VPS13C: variants seen among roughly 807,000 people sequenced by gnomAD.
VPS13C encodes the protein vacuolar protein sorting 13 homolog C.
In VPS13C, 358 loss-of-function variants were observed where a neutral mutation model predicts 456.8. The observed-to-expected ratio is 0.78, with a 90% CI of 0.72 to 0.86. VPS13C has a LOEUF of 0.86. Among genes scored for constraint, VPS13C ranks in the 40% least tolerant of loss-of-function variants. VPS13C has a pLI of 0.00. For missense variants in VPS13C, 4,818 were observed against 4,385.4 expected (o/e 1.10, Z -2.79); for synonymous variants, 1,578 against 1,486.7 (o/e 1.06, Z -1.41).
chr15:61,985,821 C>A (rs1012073390), intron 18 of VPS13C, among the ~76,000 whole-genome samples: 2 of 151,902 alleles, frequency 1.3e-5, no homozygotes, highest in African/African-American at 4.8e-5. Context: ...AATTTGGGGA[C>A]CTGTTTCTCC....
rs1018204665 is a variant in VPS13C, at chr15:61,982,288, C to G, written c.2029+171G>C. Among the ~76,000 whole-genome samples, 7 of 152,284 alleles carry G rather than the reference C, an allele frequency of 4.6e-5. No homozygotes were observed. In the East Asian group the frequency reaches 1.3e-3, roughly 29 times the overall value. ...CATATTATGCTCTTTCTCACCCAGT[C>G]TATCAGGTATATTTGATTTTGAGAA... On this transcript the variant is annotated intron_variant, in intron 21 of 84. Coordinates refer to ENST00000644861, the MANE Select transcript of VPS13C (RefSeq NM_020821.3).
At chr15:61,982,648 C>G (rs2045923070) in intron 20 of VPS13C, 75 bp from the exon 21 acceptor site, 1 of 948,618 alleles carries the variant, frequency 1.1e-6, no homozygotes, top group African/African-American at 1.6e-5. Context: ...AGTTTCACCT[C>G]AATTCTAAAC....
At chr15:61,943,914 T>TTA (rs781630186) in intron 45 of VPS13C, among the ~76,000 whole-genome samples, 2 of 144,340 alleles carry the variant, frequency 1.4e-5, no homozygotes, top group South Asian at 2.1e-4. Flanking sequence ...CCAGAATCTA[T>TTA]AAAAAAAAAA....
intron 16 of VPS13C, among the ~76,000 whole-genome samples, chr15:61,997,690 T>A (rs1487441890): frequency 6.6e-6 from 1 of 152,142 alleles, no homozygotes; most frequent in African/African-American, 2.4e-5. Context: ...TCACATCTAG[T>A]CAGTCAGGAA....
intron 15 of VPS13C, among the ~76,000 whole-genome samples, chr15:62,002,701 G>GCA (rs925262449): frequency 8.4e-5 from 8 of 94,816 alleles, no homozygotes; most frequent in Admixed American, 6.1e-4. Context: ...TTTGTATAAG[G>GCA]TGTAAGGAAG....
chr15:61,860,897 CA>C (rs1894183674), intron 82 of VPS13C, among the ~76,000 whole-genome samples: 1 of 149,092 alleles, frequency 6.7e-6, no homozygotes, highest in East Asian at 2.0e-4. Flanking sequence ...AACGTGCAAG[CA>C]AATCTACTAT....
At chr15:61,895,952 A>C (rs2042796914) in intron 66 of VPS13C, among the ~76,000 whole-genome samples, 1 of 152,192 alleles carries the variant, frequency 6.6e-6, no homozygotes, top group African/African-American at 2.4e-5. Flanking sequence ...AGCTAGAAAA[A>C]GGATATTGAA....
chr15:61,893,551 A>G (rs930005887), intron 66 of VPS13C, among the ~76,000 whole-genome samples: 6 of 151,812 alleles, frequency 4.0e-5, no homozygotes, highest in African/African-American at 1.5e-4. Context: ...CATATAACTC[A>G]CTGGTAAAAC....
chr15:61,981,579 G>A, intron 21 of VPS13C, 101 bp from the exon 22 acceptor site: 25 of 1,249,310 alleles, frequency 2.0e-5, no homozygotes, highest in Non-Finnish European at 2.5e-5. Flanking sequence ...AAGTATTACA[G>A]GTCGGGTGCG....
Position 61,936,719 on chromosome 15 carries a change from A to G in VPS13C, c.5633T>C (p.Leu1878Ser). Residue 1878 changes from leucine to serine, a missense_variant, in exon 48 of 85, where the codon TTA (leucine) becomes TCA (serine). Physicochemically the swap from Leu to Ser is moderately radical, Grantham distance 145. Transcript: ENST00000644861. ...VALSEDDLTV[L>S]MKILLENLGE... ...AAGATTTTCTAGCAAAATTTTCATT[A>G]AAACTGTCAAGTCATCTTCACTGAG... The G allele has an allele frequency of 6.2e-7, 1 of 1,613,352 alleles. No homozygotes were observed.
In VPS13C at chr15:61,915,767, G is replaced by C. The variant is rs201717998; in HGVS notation, c.8311C>G (p.Pro2771Ala). 2.5e-6 allele frequency: 4 copies of C among 1,614,096 alleles called. No homozygotes were observed. The highest frequency in any genetic ancestry group is 8.5e-7 in the Non-Finnish European group (1 of 1,180,022). The change falls in exon 61 of 85, where the codon CCC becomes GCC. Residue 2771 changes from proline (P) to alanine (A), a missense_variant. Pro to Ala is a conservative substitution (Grantham distance 27). Around this residue, in one of 3 missense-constraint regions of VPS13C, gnomAD observed 4,552 missense variants for 4,130.6 expected, o/e 1.10. Transcript: ENST00000644861. ...GTAGTCTTGTTGATTAACCAATAGG[G>C]ACTAAAGACAGACAGCACCATCCGG... is the stretch of plus-strand genomic sequence containing the variant. ...GSRMVLSVFS[P>A]YWLINKTTRV... is the part of the protein sequence containing the mutation.
At chr15:61,970,281 T>C (rs575330725) in intron 27 of VPS13C, among the ~76,000 whole-genome samples, 2 of 152,152 alleles carry the variant, frequency 1.3e-5, no homozygotes, top group South Asian at 4.1e-4. Flanking sequence ...CCAGTCAACA[T>C]CAGAATGCAA....
chr15:61,867,668 C>G lies in VPS13C; in HGVS notation c.10863+991G>C. On this transcript the variant is annotated intron_variant, in intron 81 of 84. Coordinates refer to ENST00000644861, the MANE Select transcript of VPS13C (RefSeq NM_020821.3). The surrounding 1 kb of genome is among the most constrained non-coding windows in gnomAD (Gnocchi z 5.0). The stretch of plus-strand genomic sequence containing the variant: ...TTCTGAGCTCAATAAAGGCTTTCAT[C>G]TATTAAACGCAGAAGAGAGCTGATT... 1 of 1,255,704 alleles carries G rather than the reference C, an allele frequency of 8.0e-7. No individual in the cohort carries two copies. Among genetic ancestry groups the G allele is most frequent in the Non-Finnish European group, 1.0e-6 (1 of 997,770 alleles). 77.8% of individuals were successfully genotyped at this position (1,255,704 alleles called of 1,614,324 possible).
At chr15:61,962,693 TA>T in intron 33 of VPS13C, 55 bp downstream of exon 33, 1 of 1,372,116 alleles carries the variant, frequency 7.3e-7, no homozygotes. Flanking sequence ...CATTTTACAA[TA>T]GAAGCTCATA....
chr15:62,015,800 G>T (rs2047219844), intron 9 of VPS13C, among the ~76,000 whole-genome samples: 1 of 117,814 alleles, frequency 8.5e-6, no homozygotes, highest in Admixed American at 8.7e-5. Flanking sequence ...GGGGGAGGGG[G>T]GAGGGATAGC....
chr15:62,018,723 A>G (rs1230915566), intron 9 of VPS13C, among the ~76,000 whole-genome samples: 1 of 152,114 alleles, frequency 6.6e-6, no homozygotes, highest in Non-Finnish European at 1.5e-5. Flanking sequence ...ATCGATGTTC[A>G]TCAAGGATAT....
chr15:62,037,405 AAT>A lies in VPS13C; in HGVS notation c.188-2355_188-2354del, dbSNP rs1491312588. The stretch of plus-strand genomic sequence containing the variant: ...AAATGTATATAATATATTATATATA[AAT>A]ATATATAATATGTTATATATAAATA... On this transcript the variant is annotated intron_variant, in intron 3 of 84. Transcript: ENST00000644861. 1.0e-3 allele frequency among the ~76,000 whole-genome samples: 94 copies of A among 89,604 alleles called. 1 individual carries two copies. The highest frequency in any genetic ancestry group is 3.2e-3 in the African/African-American group (85 of 26,162). 58.8% of individuals were successfully genotyped at this position (89,604 alleles called of 152,430 possible).
chr15:61,964,634 T>C (rs2045321914), intron 31 of VPS13C, 65 bp downstream of exon 31: 1 of 1,443,306 alleles, frequency 6.9e-7, no homozygotes. Context: ...GTCTCTAGTA[T>C]TCCTCATTTA....
At chr15:62,031,585 A>C (rs2047821957) in intron 5 of VPS13C, among the ~76,000 whole-genome samples, 1 of 151,992 alleles carries the variant, frequency 6.6e-6, no homozygotes, top group Admixed American at 6.6e-5. Context: ...TTTAGTCTCA[A>C]AACTTTTTTG....
Sources: gnomAD v4.1 joint callset for allele counts (sites outside exome capture counted in the v4.1 genomes callset) on GRCh38, gnomAD v4.1.1 for gene constraint, gnomAD v4.1.1 regional missense constraint, Gnocchi (gnomAD v3.1) non-coding constraint, MANE v1.5 for transcripts, NCBI Gene and HGNC (gene_info 2026-07-23, HGNC 2026-07-21) for gene names.